RAB28: variants seen among roughly 807,000 people sequenced by gnomAD.
RAB28 encodes the protein ras-related protein Rab-28.
A neutral mutation model predicts 31.7 loss-of-function variants in RAB28; 24 were observed. That is an observed-to-expected ratio of 0.76 (90% confidence interval 0.55 to 1.06). The LOEUF (loss-of-function observed/expected upper bound fraction) is 1.06, where lower values mean the gene tolerates loss of function less well. Ranked by LOEUF, RAB28 falls within the 50% of genes least tolerant of loss-of-function variation. The pLI, the probability that RAB28 is intolerant of heterozygous loss-of-function variation, is 0.00. For synonymous variants in RAB28, 100 were observed against 90.4 expected (o/e 1.11, Z -0.60); for missense variants, 254 against 258.5 (o/e 0.98, Z 0.12).
chr4:13,389,810 CAT>C (rs1415271507), intron 4 of RAB28, among the ~76,000 whole-genome samples: 1 of 152,102 alleles, frequency 6.6e-6, no homozygotes, highest in African/African-American at 2.4e-5. Flanking sequence ...ACAAAAACCA[CAT>C]GATTATCTCA....
At chr4:13,408,550 G>A (rs1454475441) in intron 4 of RAB28, among the ~76,000 whole-genome samples, 5 of 151,786 alleles carry the variant, frequency 3.3e-5, no homozygotes, top group Non-Finnish European at 7.4e-5. Context: ...GGGAGGAGTC[G>A]CACTTTTTCT....
chr4:13,474,409 A>T lies in RAB28; in HGVS notation c.173-3T>A. On this transcript the variant is annotated splice_region_variant and splice_polypyrimidine_tract_variant and intron_variant, in intron 2 of 6. Transcript: ENST00000330852. ...TTGAAGGGTAACATTCAAGTTTCCT[A>T]GAATATAAAAAATGAATATAAAAAT... 2 of 1,523,590 alleles carry T rather than the reference A, an allele frequency of 1.3e-6. No homozygotes were observed. Among genetic ancestry groups the T allele is most frequent in the Non-Finnish European group, 1.8e-6 (2 of 1,115,368 alleles). The allele number at this position is 1,523,590 out of a possible 1,614,324, so 94.4% of individuals were successfully genotyped here.
intron 4 of RAB28, among the ~76,000 whole-genome samples, chr4:13,411,041 T>C (rs377645043): frequency 3.3e-5 from 5 of 151,938 alleles, no homozygotes; most frequent in East Asian, 3.9e-4. Flanking sequence ...CCAAACAACA[T>C]GATAAATTTC....
chr4:13,444,166 T>G (rs13434882), intron 4 of RAB28, among the ~76,000 whole-genome samples: 2,545 of 152,114 alleles, frequency 0.017, 67 homozygotes, highest in African/African-American at 0.058. Context: ...TAGCTGGGAC[T>G]ACAGGCGCCC....
At chr4:13,450,760 A>G (rs945228297) in intron 4 of RAB28, among the ~76,000 whole-genome samples, 13 of 151,894 alleles carry the variant, frequency 8.6e-5, no homozygotes, top group Non-Finnish European at 1.8e-4. Flanking sequence ...GTTGAAGGTG[A>G]GATGTGAATG....
At chr4:13,479,339 C>G in intron 2 of RAB28, 91 bp downstream of exon 2, 2 of 844,138 alleles carry the variant, frequency 2.4e-6, no homozygotes, top group Non-Finnish European at 3.8e-6. Flanking sequence ...CATGTAGAAG[C>G]AGCCCCAAAA....
intron 3 of RAB28, among the ~76,000 whole-genome samples, chr4:13,466,414 C>T (rs760988329): frequency 4.0e-5 from 6 of 151,846 alleles, no homozygotes; most frequent in Admixed American, 3.3e-4. Flanking sequence ...AAAGACATTA[C>T]TCAGAAGACA....
intron 4 of RAB28, among the ~76,000 whole-genome samples, chr4:13,409,645 G>C (rs1322447598): frequency 6.6e-6 from 1 of 152,186 alleles, no homozygotes; most frequent in Non-Finnish European, 1.5e-5. Flanking sequence ...TACAAGGAGT[G>C]AGAGCTACTA....
intron 4 of RAB28, among the ~76,000 whole-genome samples, chr4:13,415,748 C>A (rs1426213338): frequency 6.6e-6 from 1 of 152,170 alleles, no homozygotes; most frequent in Non-Finnish European, 1.5e-5. Context: ...CCAATGACCA[C>A]GCAAAGGCTG....
intron 4 of RAB28, among the ~76,000 whole-genome samples, chr4:13,429,820 G>T (rs140517438): frequency 4.8e-4 from 73 of 152,228 alleles, no homozygotes; most frequent in African/African-American, 1.6e-3. Context: ...CAGAATAGTC[G>T]AAACAATCTG....
intron 2 of RAB28, among the ~76,000 whole-genome samples, chr4:13,475,309 T>C (rs1716303952): frequency 6.6e-6 from 1 of 151,656 alleles, no homozygotes; most frequent in Non-Finnish European, 1.5e-5. Context: ...TGCTTTTTAG[T>C]TGAACATTTT....
intron 4 of RAB28, among the ~76,000 whole-genome samples, chr4:13,425,487 T>C (rs2108925957): frequency 6.6e-6 from 1 of 152,250 alleles, no homozygotes; most frequent in Non-Finnish European, 1.5e-5. Flanking sequence ...CCAACATTGG[T>C]ATATTCAATC....
chr4:13,466,892 T>C (rs940967311), intron 3 of RAB28, among the ~76,000 whole-genome samples: 100 of 152,006 alleles, frequency 6.6e-4, no homozygotes, highest in African/African-American at 2.1e-3. Context: ...ATGAATGGAA[T>C]TGGAAAACAT....
At chr4:13,438,679 T>G (rs1174329456) in intron 4 of RAB28, among the ~76,000 whole-genome samples, 1 of 152,194 alleles carries the variant, frequency 6.6e-6, no homozygotes, top group Non-Finnish European at 1.5e-5. Context: ...TAATAGAAAT[T>G]TGGGCTGTTA....
chr4:13,368,203 C>G lies in RAB28; in HGVS notation c.*355G>C, dbSNP rs1354254601. The G allele has an allele frequency of 3.0e-6, 3 of 993,100 alleles. No homozygotes were observed. Among genetic ancestry groups the G allele is most frequent in the Non-Finnish European group, 3.6e-6 (3 of 835,296 alleles). The allele number at this position is 993,100 out of a possible 1,614,324, so 61.5% of individuals were successfully genotyped here. ...AGAATGAAATTGCTGTGGCAAAATC[C>G]TGGCTGATGATCAAGACTTGGAGAG... On this transcript the variant is annotated 3_prime_UTR_variant, in exon 7 of 7. Transcript: ENST00000330852.
intron 3 of RAB28, among the ~76,000 whole-genome samples, chr4:13,461,463 C>G (rs1413280195): frequency 6.6e-6 from 1 of 152,156 alleles, no homozygotes; most frequent in African/African-American, 2.4e-5. Context: ...GTTCCTTAAA[C>G]TTGCCTCGAA....
chr4:13,439,237 T>A (rs1454183087), intron 4 of RAB28, among the ~76,000 whole-genome samples: 4 of 152,262 alleles, frequency 2.6e-5, no homozygotes, highest in African/African-American at 9.6e-5. Flanking sequence ...CTTGCTAATG[T>A]CCTTTGACGC....
At chr4:13,391,755 G>A (rs1729639405) in intron 4 of RAB28, among the ~76,000 whole-genome samples, 2 of 152,176 alleles carry the variant, frequency 1.3e-5, no homozygotes, top group South Asian at 4.1e-4. Flanking sequence ...TTCCTTTGCA[G>A]GGACACAGAT....
At chr4:13,451,397 GT>G (rs79148759) in intron 4 of RAB28, among the ~76,000 whole-genome samples, 2,655 of 135,794 alleles carry the variant, frequency 0.02, 28 homozygotes, top group Non-Finnish European at 0.027. Flanking sequence ...TTTGGGGTGG[GT>G]TTTTTTTTTT....
Sources: allele counts gnomAD v4.1 joint callset (sites outside exome capture counted in the v4.1 genomes callset), GRCh38; gene constraint gnomAD v4.1.1; transcripts MANE v1.5; gene names NCBI Gene and HGNC (gene_info 2026-07-23, HGNC 2026-07-21).